The following LRP1B variants were observed in gnomAD, a reference collection of about 807,000 sequenced individuals.
The protein encoded by LRP1B is low-density lipoprotein receptor-related protein 1B.
Under a neutral mutation model 556.6 loss-of-function variants are expected in LRP1B, and 217 were observed. The ratio of observed to expected loss-of-function variants is 0.39; its 90% CI spans 0.35 to 0.44. The LOEUF is 0.44. LRP1B is among the 20% of genes least tolerant of loss of function. The pLI is 1.00. For synonymous variants in LRP1B, 2,047 were observed against 1,865.8 expected (o/e 1.10, Z -2.50); for missense variants, 5,053 against 5,620.8 (o/e 0.90, Z 3.23).
At chr2:140,891,255 CTTTG>C (rs1351523219) in intron 23 of LRP1B, among the ~76,000 whole-genome samples, 3 of 150,876 alleles carry the variant, frequency 2.0e-5, no homozygotes, top group East Asian at 1.9e-4. Context: ...CAATTATCTT[CTTTG>C]TTTTTCTTTT....
At chr2:140,369,022 T>G (rs1682876561) in intron 71 of LRP1B, among the ~76,000 whole-genome samples, 3 of 151,876 alleles carry the variant, frequency 2.0e-5, no homozygotes, top group Admixed American at 2.0e-4. Flanking sequence ...GGCTCTCAAC[T>G]CTTTTTCAGT....
chr2:140,840,803 T>TA lies in LRP1B; in HGVS notation c.5114+114dup. ...ACAGTTTCCATATTTACTTTTTTTT[T>TA]AACTCTTATGGCTGTTATATATATA... On this transcript the variant is annotated intron_variant, in intron 30 of 90. Transcript: ENST00000389484. The TA allele has an allele frequency of 4.3e-6, 3 of 702,550 alleles. No individual in the cohort carries two copies. In the South Asian group the frequency reaches 9.4e-5, roughly 22 times the overall value. The allele number at this position is 702,550 out of a possible 1,614,324, so 43.5% of individuals were successfully genotyped here.
chr2:141,088,885 G>A (rs893629996), intron 7 of LRP1B, among the ~76,000 whole-genome samples: 1 of 152,274 alleles, frequency 6.6e-6, no homozygotes, highest in South Asian at 2.1e-4. Flanking sequence ...CAAGGGCTGT[G>A]AGCAGCTTGA....
intron 3 of LRP1B, among the ~76,000 whole-genome samples, chr2:141,407,219 C>T: frequency 6.6e-6 from 1 of 152,018 alleles, no homozygotes. Context: ...CATTACTTTA[C>T]CAGCCCATTA....
chr2:142,095,852 T>C (rs541078092), intron 1 of LRP1B, among the ~76,000 whole-genome samples: 1 of 151,882 alleles, frequency 6.6e-6, no homozygotes, highest in Admixed American at 6.6e-5. Context: ...GAGGATAGCA[T>C]TTTTGGATTA....
chr2:140,267,541 C>T (rs1198488394), intron 86 of LRP1B, among the ~76,000 whole-genome samples: 2 of 151,870 alleles, frequency 1.3e-5, no homozygotes, highest in East Asian at 1.9e-4. Context: ...TAGAGAATAA[C>T]GACTTGGGAA....
intron 14 of LRP1B, among the ~76,000 whole-genome samples, chr2:141,009,327 T>C (rs1697672346): frequency 6.6e-6 from 1 of 151,954 alleles, no homozygotes; most frequent in South Asian, 2.1e-4. Context: ...GCATTTAATC[T>C]AGCATAATTT....
intron 1 of LRP1B, among the ~76,000 whole-genome samples, chr2:142,042,483 A>G (rs1400310875): frequency 2.6e-5 from 4 of 151,462 alleles, no homozygotes; most frequent in Non-Finnish European, 4.4e-5. Context: ...AATGCACTCA[A>G]TAATTCTGTA....
At chr2:141,056,414 C>A (rs929330639) in intron 9 of LRP1B, among the ~76,000 whole-genome samples, 2 of 151,834 alleles carry the variant, frequency 1.3e-5, no homozygotes, top group East Asian at 3.9e-4. Flanking sequence ...CTTCAACTAG[C>A]TCTCCATTTC....
chr2:140,741,808 T>C (rs1228380263), intron 35 of LRP1B, among the ~76,000 whole-genome samples: 1 of 152,160 alleles, frequency 6.6e-6, no homozygotes, highest in African/African-American at 2.4e-5. Flanking sequence ...TCCTTCTTTG[T>C]ATCTATATGT....
At chr2:141,006,074 C>T (rs1238542988) in intron 14 of LRP1B, among the ~76,000 whole-genome samples, 1 of 151,850 alleles carries the variant, frequency 6.6e-6, no homozygotes, top group East Asian at 2.0e-4. Context: ...ATTAAGCAGG[C>T]ATGAGAGGAA....
At chr2:141,541,186 A>C (rs932517587) in intron 2 of LRP1B, among the ~76,000 whole-genome samples, 5 of 152,042 alleles carry the variant, frequency 3.3e-5, no homozygotes, top group Non-Finnish European at 7.4e-5. Context: ...AATTTCTTCA[A>C]CAAACATTTC....
intron 1 of LRP1B, among the ~76,000 whole-genome samples, chr2:142,022,983 C>T (rs1321778651): frequency 2.0e-5 from 3 of 152,146 alleles, no homozygotes; most frequent in African/African-American, 7.2e-5. Flanking sequence ...CCAAATCTCA[C>T]TAATTTTATA....
chr2:141,576,093 G>A (rs986313015), intron 2 of LRP1B, among the ~76,000 whole-genome samples: 2 of 152,178 alleles, frequency 1.3e-5, no homozygotes, highest in African/African-American at 4.8e-5. Context: ...CCATTACTGG[G>A]TGTATACCCA....
intron 3 of LRP1B, among the ~76,000 whole-genome samples, chr2:141,386,480 CT>C (rs2104897070): frequency 6.6e-6 from 1 of 152,094 alleles, no homozygotes; most frequent in East Asian, 1.9e-4. Flanking sequence ...AGAAGAGTCA[CT>C]TTATATGCAA....
intron 37 of LRP1B, among the ~76,000 whole-genome samples, chr2:140,704,168 T>C (rs751138714): frequency 2.2e-4 from 34 of 152,132 alleles, no homozygotes; most frequent in Non-Finnish European, 4.6e-4. Context: ...GATATTTGAA[T>C]AATATATGTG....
intron 1 of LRP1B, among the ~76,000 whole-genome samples, chr2:142,055,359 A>G (rs1261456456): frequency 6.6e-6 from 1 of 152,160 alleles, no homozygotes; most frequent in African/African-American, 2.4e-5. Flanking sequence ...CTAATGGCAT[A>G]TTGAATAGTC....
chr2:140,481,354 C>G (rs1005538150), intron 59 of LRP1B, among the ~76,000 whole-genome samples: 6 of 152,070 alleles, frequency 3.9e-5, no homozygotes, highest in African/African-American at 1.4e-4. Context: ...GGGACCAAAG[C>G]CTGAAAACTG....
intron 2 of LRP1B, among the ~76,000 whole-genome samples, chr2:141,518,992 G>A (rs1434954207): frequency 2.7e-5 from 4 of 150,486 alleles, no homozygotes; most frequent in Non-Finnish European, 5.9e-5. Flanking sequence ...GAGGATGTGG[G>A]GAGAGAGAGA....
Sources: gnomAD v4.1 joint callset for allele counts (sites outside exome capture counted in the v4.1 genomes callset) on GRCh38, gnomAD v4.1.1 for gene constraint, MANE v1.5 for transcripts, NCBI Gene and HGNC (gene_info 2026-07-23, HGNC 2026-07-21) for gene names.